The following GPC6 variants were observed in gnomAD, a reference collection of about 807,000 sequenced individuals.
GPC6 encodes glypican 6.
A neutral mutation model predicts 55.2 loss-of-function variants in GPC6; 14 were observed. That is an observed-to-expected ratio of 0.25 (90% CI 0.17 to 0.40). The LOEUF (loss-of-function observed/expected upper bound fraction) is 0.40. Ranked by LOEUF, GPC6 falls within the 10% of genes least tolerant of loss-of-function variation. The pLI is 1.00. For missense variants in GPC6, 641 were observed against 708.5 expected (o/e 0.90, Z 1.08); for synonymous variants, 278 against 259.6 (o/e 1.07, Z -0.68).
intron 1 of GPC6, among the ~76,000 whole-genome samples, chr13:93,289,768 T>C (rs1878259178): frequency 6.6e-6 from 1 of 152,144 alleles, no homozygotes. Flanking sequence ...AAAGGATTTG[T>C]TTATTGTATA....
At position 94,276,970 on chromosome 13, in the gene GPC6, G is replaced by C. The variant is rs115891070; in HGVS notation, c.878-9379G>C. On this transcript the variant is annotated intron_variant, in intron 4 of 8. Transcript: ENST00000377047. ...ATATACCCAGTAATTGCGTTTCTAA[G>C]TAAATTGGTATTTCTGGTTCTAGAT... is the stretch of plus-strand genomic sequence containing the variant. 1.2e-4 allele frequency among the ~76,000 whole-genome samples: 18 copies of C among 152,244 alleles called. 1 individual carries two copies. The highest frequency in any genetic ancestry group is 3.9e-4 in the African/African-American group (16 of 41,554).
chr13:94,291,560 A>G (rs546656537), intron 5 of GPC6, among the ~76,000 whole-genome samples: 1 of 152,348 alleles, frequency 6.6e-6, no homozygotes, highest in East Asian at 1.9e-4. Flanking sequence ...TTATTTCATC[A>G]AGGGAATGGA....
At chr13:94,376,695 A>T (rs1343664755) in intron 6 of GPC6, among the ~76,000 whole-genome samples, 1 of 152,188 alleles carries the variant, frequency 6.6e-6, no homozygotes, top group Admixed American at 6.5e-5. Context: ...ATTGGAAAAA[A>T]CTACTTTAAA....
At chr13:93,594,015 G>A (rs1322056075) in intron 2 of GPC6, among the ~76,000 whole-genome samples, 1 of 152,020 alleles carries the variant, frequency 6.6e-6, no homozygotes, top group Non-Finnish European at 1.5e-5. Context: ...GTATGTATGT[G>A]TTCACATCTG....
intron 1 of GPC6, among the ~76,000 whole-genome samples, chr13:93,315,849 G>C (rs1879229191): frequency 1.3e-5 from 2 of 151,784 alleles, no homozygotes; most frequent in Admixed American, 6.6e-5. Flanking sequence ...GCGTACCACT[G>C]TTCTGAAGAT....
intron 6 of GPC6, among the ~76,000 whole-genome samples, chr13:94,374,569 G>A (rs201169056): frequency 0.11 from 15,084 of 142,276 alleles, 890 homozygotes; most frequent in East Asian, 0.29. Flanking sequence ...AGCAAGTCCT[G>A]AGTGACCTAC....
intron 3 of GPC6, among the ~76,000 whole-genome samples, chr13:93,930,241 G>A (rs937260896): frequency 6.8e-6 from 1 of 147,628 alleles, no homozygotes; most frequent in African/African-American, 2.6e-5. Context: ...GGAGTCTGGA[G>A]AGGAAGGTTT....
intron 1 of GPC6, among the ~76,000 whole-genome samples, chr13:93,311,326 C>T (rs1052810525): frequency 6.6e-6 from 1 of 152,168 alleles, no homozygotes; most frequent in African/African-American, 2.4e-5. Context: ...CATTTCCTTT[C>T]ATGTGATGAC....
intron 1 of GPC6, among the ~76,000 whole-genome samples, chr13:93,440,425 C>T (rs368035317): frequency 2.6e-4 from 40 of 152,240 alleles, no homozygotes; most frequent in African/African-American, 7.9e-4. Flanking sequence ...TATGGCTAAT[C>T]AAATTTCACA....
intron 4 of GPC6, among the ~76,000 whole-genome samples, chr13:94,253,597 A>T (rs1891421497): frequency 6.6e-6 from 1 of 152,084 alleles, no homozygotes; most frequent in African/African-American, 2.4e-5. Flanking sequence ...TCCCAAGATG[A>T]ATCTGTAATC....
chr13:93,401,807 T>C (rs1876095864), intron 1 of GPC6, among the ~76,000 whole-genome samples: 1 of 151,522 alleles, frequency 6.6e-6, no homozygotes, highest in Non-Finnish European at 1.5e-5. Flanking sequence ...TTTATTTATA[T>C]ACCTGCCCTT....
rs5805837 is a variant in GPC6, at chr13:93,965,106, GTTTTTTTTTTTTTTT to G, written c.712-62611_712-62597del. Among the ~76,000 whole-genome samples, 8 of 67,298 alleles carry G rather than the reference GTTTTTTTTTTTTTTT, an allele frequency of 1.2e-4. 1 individual carries two copies. In the Admixed American group the frequency reaches 1.5e-3, roughly 13 times the overall value. The allele number at this position is 67,298 out of a possible 152,430, so 44.2% of individuals were successfully genotyped here. On this transcript the variant is annotated intron_variant, in intron 3 of 8. Coordinates refer to ENST00000377047, the MANE Select transcript of GPC6 (RefSeq NM_005708.5). The stretch of plus-strand genomic sequence containing the variant: ...AGTATTTGGGAAACACTATGAGTTT[GTTTTTTTTTTTTTTT>G]TTTTTTTTTTTAGCAAGGGAAGTTT...
At chr13:94,386,420 G>C (rs1880411708) in intron 7 of GPC6, among the ~76,000 whole-genome samples, 1 of 150,472 alleles carries the variant, frequency 6.6e-6, no homozygotes, top group Non-Finnish European at 1.5e-5. Context: ...GTGAGACCCT[G>C]TCTCTACAAA....
At chr13:93,847,827 A>G (rs1482028630) in intron 3 of GPC6, among the ~76,000 whole-genome samples, 1 of 152,180 alleles carries the variant, frequency 6.6e-6, no homozygotes, top group Non-Finnish European at 1.5e-5. Context: ...ACCTGGCAGA[A>G]GTATATGCCT....
chr13:94,165,352 A>G (rs1888329782), intron 4 of GPC6, among the ~76,000 whole-genome samples: 1 of 151,522 alleles, frequency 6.6e-6, no homozygotes, highest in Non-Finnish European at 1.5e-5. Flanking sequence ...AGTAACCCTG[A>G]TGGAATTGGA....
intron 4 of GPC6, among the ~76,000 whole-genome samples, chr13:94,189,308 C>T (rs1251023573): frequency 6.6e-6 from 1 of 152,114 alleles, no homozygotes; most frequent in Non-Finnish European, 1.5e-5. Context: ...GTGAGTTTCA[C>T]ATAAGAGCAG....
chr13:93,886,214 G>C (rs1195643694), intron 3 of GPC6, among the ~76,000 whole-genome samples: 3 of 152,016 alleles, frequency 2.0e-5, no homozygotes, highest in Non-Finnish European at 4.4e-5. Flanking sequence ...ATATGGTCTT[G>C]TTTTGGACTT....
At chr13:94,304,935 C>A (rs1473410905) in intron 5 of GPC6, among the ~76,000 whole-genome samples, 1 of 152,178 alleles carries the variant, frequency 6.6e-6, no homozygotes, top group South Asian at 2.1e-4. Context: ...TTAAAGAATT[C>A]TTCCAGTAGA....
chr13:93,340,728 C>G (rs997330957), intron 1 of GPC6, among the ~76,000 whole-genome samples: 1 of 152,148 alleles, frequency 6.6e-6, no homozygotes, highest in African/African-American at 2.4e-5. Context: ...TAGGCCTCAT[C>G]ATGATACCCT....
Sources: gnomAD v4.1 joint callset for allele counts (sites outside exome capture counted in the v4.1 genomes callset) on GRCh38, gnomAD v4.1.1 for gene constraint, MANE v1.5 for transcripts, NCBI Gene and HGNC (gene_info 2026-07-23, HGNC 2026-07-21) for gene names.